DOCK9: variants seen among roughly 807,000 people sequenced by gnomAD.
DOCK9 encodes the protein dedicator of cytokinesis 9.
DOCK9 carries 89 observed loss-of-function variants against 263.3 expected under a neutral mutation model. The ratio of observed to expected loss-of-function variants is 0.34; its 90% CI spans 0.28 to 0.40. DOCK9 has a LOEUF of 0.40. Among genes scored for constraint, DOCK9 ranks in the 10% least tolerant of loss-of-function variants. The pLI is 1.00. For missense variants in DOCK9, 2,140 were observed against 2,603.4 expected (o/e 0.82, Z 3.87); for synonymous variants, 976 against 973.1 (o/e 1.00, Z -0.06).
intron 45 of DOCK9, chr13:98,820,633 C>G (rs1205113851): frequency 4.8e-6 from 2 of 420,464 alleles, no homozygotes; most frequent in African/African-American, 4.2e-5. Flanking sequence ...ATGTGCTCTG[C>G]TATGAGGATC....
chr13:98,920,958 A>G lies in DOCK9; in HGVS notation c.713T>C (p.Val238Ala). The G allele has an allele frequency of 6.2e-7, 1 of 1,603,394 alleles. No homozygotes were observed. Among genetic ancestry groups the G allele is most frequent in the South Asian group, 1.1e-5 (1 of 88,930 alleles). ...SIFLDSCMGV[V>A]QNNKVRRFAF... ...TAAAACTCTTTTCATATTTACCTGA[A>G]CGACACCCATACAGGAATCCAGAAA... Residue 238 changes from valine (V) to alanine (A), a missense_variant, in exon 7 of 53, where the codon GTT becomes GCT. Transcript: ENST00000682017.
chr13:98,916,246 T>C (rs1265082508), intron 7 of DOCK9, among the ~76,000 whole-genome samples: 2 of 152,204 alleles, frequency 1.3e-5, no homozygotes, highest in East Asian at 3.8e-4. Context: ...CATTGTACAA[T>C]GTTTAGCGAA....
chr13:98,904,558 T>C (rs45439102), intron 10 of DOCK9, 74 bp downstream of exon 10: 21 of 852,232 alleles, frequency 2.5e-5, no homozygotes, highest in Admixed American at 4.1e-5. Flanking sequence ...AGCAAACAAA[T>C]AAACAAATAA....
At chr13:99,060,278 C>A (rs896299669) in intron 1 of DOCK9, among the ~76,000 whole-genome samples, 7 of 151,618 alleles carry the variant, frequency 4.6e-5, no homozygotes, top group Admixed American at 3.3e-4. Context: ...GGGGTTTCAC[C>A]GTGTTAGCCA....
intron 33 of DOCK9, chr13:98,859,276 A>C (rs2093786741): frequency 2.0e-5 from 3 of 152,228 alleles, no homozygotes; most frequent in Admixed American, 1.3e-4. Flanking sequence ...TTTGCTGAGC[A>C]TTTACCGTGT....
intron 1 of DOCK9, 104 bp downstream of exon 1, chr13:98,977,680 G>T: frequency 9.0e-7 from 1 of 1,113,614 alleles, no homozygotes; most frequent in Non-Finnish European, 1.3e-6. Flanking sequence ...AGCAGAGCAA[G>T]TTTTGAAATC....
At chr13:98,959,911 A>G (rs2058449612) in intron 1 of DOCK9, among the ~76,000 whole-genome samples, 1 of 152,190 alleles carries the variant, frequency 6.6e-6, no homozygotes, top group Admixed American at 6.5e-5. Flanking sequence ...ACAGCTGTTC[A>G]CTGTTCTTCA....
chr13:99,032,893 G>A (rs1484286003), intron 1 of DOCK9, among the ~76,000 whole-genome samples: 1 of 152,172 alleles, frequency 6.6e-6, no homozygotes. Flanking sequence ...CAGGAGTAGT[G>A]AGGTTACACA....
intron 2 of DOCK9, among the ~76,000 whole-genome samples, chr13:98,955,016 T>C (rs1317734188): frequency 6.6e-6 from 1 of 152,206 alleles, no homozygotes; most frequent in Non-Finnish European, 1.5e-5. Context: ...CTTATTTTCA[T>C]CTTTTAAAAA....
At chr13:99,072,351 G>C (rs1183635708) in intron 1 of DOCK9, among the ~76,000 whole-genome samples, 1 of 152,114 alleles carries the variant, frequency 6.6e-6, no homozygotes, top group Non-Finnish European at 1.5e-5. Flanking sequence ...CATTGTGTTT[G>C]GGAACAAGTA....
Position 98,793,569 on chromosome 13 carries a change from TA to T in DOCK9, c.*1056del, listed in dbSNP as rs2088973864. ...GGCAGTGATTCCAGTTAAATAAAAT[TA>T]AAAACCTTTATTTTCCCAAATATAA... is the stretch of plus-strand genomic sequence containing the variant. On this transcript the variant is annotated 3_prime_UTR_variant, in exon 53 of 53. Transcript: ENST00000682017. 1 of 152,542 alleles carries T rather than the reference TA, an allele frequency of 6.6e-6. No individual in the cohort carries two copies. The highest frequency in any genetic ancestry group is 2.4e-5 in the African/African-American group (1 of 41,426). The allele number at this position is 152,542 out of a possible 1,614,324, so 9.4% of individuals were successfully genotyped here. A position where few individuals can be genotyped will look rare whatever the true frequency, so the allele number is the denominator to read the frequency against.
At chr13:98,951,642 G>T (rs1414071757) in intron 2 of DOCK9, among the ~76,000 whole-genome samples, 1 of 152,318 alleles carries the variant, frequency 6.6e-6, no homozygotes, top group East Asian at 1.9e-4. Flanking sequence ...TGAGACAGTG[G>T]GGGGAAAAGT....
intron 52 of DOCK9, chr13:98,796,142 C>A (rs2089367210): frequency 4.5e-6 from 6 of 1,337,310 alleles, no homozygotes; most frequent in South Asian, 3.8e-5. Context: ...TGCTCAAACT[C>A]AAAAAAGTAA....
intron 1 of DOCK9, among the ~76,000 whole-genome samples, chr13:99,083,469 T>C (rs539763211): frequency 6.6e-6 from 1 of 152,246 alleles, no homozygotes; most frequent in African/African-American, 2.4e-5. Context: ...ATATACTAGT[T>C]ATATAGAGGT....
chr13:99,044,069 T>A (rs1042019382), intron 1 of DOCK9, among the ~76,000 whole-genome samples: 3 of 152,258 alleles, frequency 2.0e-5, no homozygotes, highest in Admixed American at 1.3e-4. Flanking sequence ...AGATTAGCTC[T>A]GCTCTAAAGT....
At chr13:98,805,721 T>G (rs572268294) in intron 48 of DOCK9, among the ~76,000 whole-genome samples, 1 of 152,336 alleles carries the variant, frequency 6.6e-6, no homozygotes, top group South Asian at 2.1e-4. Context: ...ATGTTTAATT[T>G]AGAAGAATTC....
At chr13:98,883,639 C>A (rs1487691581) in intron 22 of DOCK9, among the ~76,000 whole-genome samples, 174 bp downstream of exon 22, 1 of 152,214 alleles carries the variant, frequency 6.6e-6, no homozygotes, top group African/African-American at 2.4e-5. Context: ...GATGCTTGTA[C>A]TAGTCATTTA....
chr13:99,068,081 G>C (rs963744056), intron 1 of DOCK9, among the ~76,000 whole-genome samples: 6 of 152,000 alleles, frequency 3.9e-5, no homozygotes, highest in African/African-American at 1.5e-4. Flanking sequence ...TGATACTCTA[G>C]ACCAGGATAT....
intron 1 of DOCK9, among the ~76,000 whole-genome samples, chr13:99,021,222 T>C (rs1348107982): frequency 1.3e-5 from 2 of 152,252 alleles, no homozygotes; most frequent in Non-Finnish European, 2.9e-5. Flanking sequence ...TCTTCCCTGA[T>C]AATGAGACTA....
Sources: allele counts gnomAD v4.1 joint callset (sites outside exome capture counted in the v4.1 genomes callset), GRCh38; gene constraint gnomAD v4.1.1; transcripts MANE v1.5; gene names NCBI Gene and HGNC (gene_info 2026-07-23, HGNC 2026-07-21).